The following ANLN variants were observed in gnomAD, a reference collection of about 807,000 sequenced individuals.
ANLN encodes the protein anillin, actin binding protein, also known as anillin.
ANLN carries 59 observed loss-of-function variants against 135.1 expected under a neutral mutation model. The observed-to-expected ratio is 0.44, with a 90% CI of 0.35 to 0.54. ANLN has a LOEUF of 0.54. Ranked by LOEUF, ANLN falls within the 20% of genes least tolerant of loss-of-function variation. ANLN has a pLI of 0.00. For missense variants in ANLN, 1,182 were observed against 1,340.0 expected (o/e 0.88, Z 1.84); for synonymous variants, 406 against 456.4 (o/e 0.89, Z 1.41).
chr7:36,396,452 CT>C (rs199699357), intron 2 of ANLN, 33 bp downstream of exon 2: 103 of 1,517,324 alleles, frequency 6.8e-5, no homozygotes, highest in South Asian at 2.3e-4. Flanking sequence ...ATAACATTTA[CT>C]TTTTTTTTCT....
At chr7:36,408,951 C>T (rs948407288) in intron 5 of ANLN, among the ~76,000 whole-genome samples, 1 of 152,124 alleles carries the variant, frequency 6.6e-6, no homozygotes, top group African/African-American at 2.4e-5. Context: ...ACTTTTAATT[C>T]TAAGGTTTAA....
At chr7:36,407,602 G>T in intron 4 of ANLN, 132 bp from the exon 5 acceptor site, 1 of 700,122 alleles carries the variant, frequency 1.4e-6, no homozygotes, top group South Asian at 2.0e-5. Flanking sequence ...TGATCTATTA[G>T]AGAGCAAAAT....
chr7:36,405,090 A>G (rs1447567196), intron 3 of ANLN, among the ~76,000 whole-genome samples: 1 of 152,182 alleles, frequency 6.6e-6, no homozygotes, highest in African/African-American at 2.4e-5. Flanking sequence ...TGGTAGTCTC[A>G]TTATAATGTA....
intron 21 of ANLN, among the ~76,000 whole-genome samples, chr7:36,442,724 C>T (rs1481864291): frequency 2.6e-5 from 4 of 151,942 alleles, no homozygotes; most frequent in Non-Finnish European, 5.9e-5. Flanking sequence ...CTCCATCTCC[C>T]GGGTTCACGC....
At chr7:36,430,191 C>T (rs1788255807) in intron 20 of ANLN, among the ~76,000 whole-genome samples, 1 of 152,190 alleles carries the variant, frequency 6.6e-6, no homozygotes, top group Admixed American at 6.5e-5. Flanking sequence ...AAAGAGTATA[C>T]ATGTCTTTCC....
At position 36,415,811 on chromosome 7, in the gene ANLN, T is replaced by G; in HGVS notation, c.1449T>G (p.Thr483=). The G allele has an allele frequency of 6.2e-7, 1 of 1,610,476 alleles. No individual in the cohort carries two copies. Among genetic ancestry groups the G allele is most frequent in the East Asian group, 2.2e-5 (1 of 44,692 alleles). The change falls in exon 8 of 24, where the codon ACT becomes ACG. Residue 483 remains threonine, a synonymous_variant. Coordinates refer to ENST00000265748, the MANE Select transcript of ANLN (RefSeq NM_018685.5). ...PLKKHQGVSK[T]QSLPVTEKVT... ...AAAAACACCAAGGTGTTTCAAAAACTCAGTCACTTCCAGTAACAGAAAAGG... is the reference window on the plus strand; with the variant it reads ...AAAAACACCAAGGTGTTTCAAAAACGCAGTCACTTCCAGTAACAGAAAAGG...
chr7:36,452,070 G>C (rs2116846081), intron 23 of ANLN, among the ~76,000 whole-genome samples: 1 of 152,312 alleles, frequency 6.6e-6, no homozygotes, highest in South Asian at 2.1e-4. Context: ...TGCAGCTTTT[G>C]GAGAACCTGA....
chr7:36,446,556 AAGC>A (rs1789007232), intron 22 of ANLN, among the ~76,000 whole-genome samples: 1 of 152,136 alleles, frequency 6.6e-6, no homozygotes, highest in Non-Finnish European at 1.5e-5. Context: ...CACATGGTAA[AAGC>A]AGGAGCGAGC....
chr7:36,421,194 A>G (rs903079473), intron 12 of ANLN, among the ~76,000 whole-genome samples: 2 of 151,846 alleles, frequency 1.3e-5, no homozygotes, highest in South Asian at 4.2e-4. Flanking sequence ...CAGCCTCCCA[A>G]GTAGCTGAGA....
At chr7:36,422,133 T>G in intron 13 of ANLN, 141 bp downstream of exon 13, 1 of 1,083,314 alleles carries the variant, frequency 9.2e-7, no homozygotes, top group Non-Finnish European at 1.3e-6. Context: ...TTCTTGTTTT[T>G]ATAAGGTTTA....
intron 17 of ANLN, among the ~76,000 whole-genome samples, chr7:36,425,293 CTTTTTTTTTTT>C (rs1221400271): frequency 2.4e-5 from 3 of 123,616 alleles, no homozygotes; most frequent in African/African-American, 9.0e-5. Flanking sequence ...AGAACTCATT[CTTTTTTTTTTT>C]TTTTTTTTGA....
chr7:36,415,857 G>T lies in ANLN; in HGVS notation c.1495G>T (p.Ala499Ser). The T allele has an allele frequency of 1.2e-6, 2 of 1,602,240 alleles. No homozygotes were observed. Among genetic ancestry groups the T allele is most frequent in the Admixed American group, 1.8e-5 (1 of 57,026 alleles). Residue 499 changes from alanine (A) to serine (S), a missense_variant, in exon 8 of 24, where the codon GCC becomes TCC. By Grantham distance (99) the Ala-to-Ser change is moderately conservative. Transcript: ENST00000265748. ...AAAGGTGACCGAAAACCAGATACCA[G>T]CCAAAAATTCTAGTACAGAACCTAA... Reference protein sequence around the residue: ...TEKVTENQIPAKNSSTEPKGF... With the variant: ...TEKVTENQIPSKNSSTEPKGF...
At chr7:36,400,620 C>T (rs1786905556) in intron 3 of ANLN, among the ~76,000 whole-genome samples, 1 of 150,354 alleles carries the variant, frequency 6.7e-6, no homozygotes, top group Admixed American at 6.6e-5. Context: ...GCCTTGGCCT[C>T]CCAAGTGTTA....
rs748967747 is a variant in ANLN, at chr7:36,406,239, C to T, written c.546C>T (p.Ser182=). ...TGCCATCAGAGGAAAAGGCTGCTTC[C>T]CCTCCCAGACCTCTGCTTTCAAATG... is the stretch of plus-strand genomic sequence containing the variant. ...SPMPSEEKAA[S]PPRPLLSNAS... Residue 182 remains serine, a synonymous_variant, in exon 4 of 24, where the codon TCC becomes TCT. Coordinates refer to ENST00000265748, the MANE Select transcript of ANLN (RefSeq NM_018685.5). 3.7e-6 allele frequency: 6 copies of T among 1,613,338 alleles called. No individual in the cohort carries two copies. The highest frequency in any genetic ancestry group is 5.1e-6 in the Non-Finnish European group (6 of 1,179,274).
chr7:36,406,150 GT>G (rs771815300), intron 3 of ANLN, 30 bp from the exon 4 acceptor site: 2 of 1,561,200 alleles, frequency 1.3e-6, no homozygotes, highest in Non-Finnish European at 1.7e-6. Flanking sequence ...CTTAAACATG[GT>G]TTTTAACTCT....
At chr7:36,423,482 C>A (rs1334509538) in intron 14 of ANLN, among the ~76,000 whole-genome samples, 4 of 152,006 alleles carry the variant, frequency 2.6e-5, no homozygotes, top group Non-Finnish European at 5.9e-5. Context: ...TTTGAAATAA[C>A]AAACCATAAT....
rs530432252 is a variant in ANLN at position 36,422,725 on chromosome 7, A to G, written c.2392A>G (p.Met798Val). 1 of 1,613,680 alleles carries G rather than the reference A, an allele frequency of 6.2e-7. No individual in the cohort carries two copies. Among genetic ancestry groups the G allele is most frequent in the South Asian group, 1.1e-5 (1 of 91,006 alleles). The change falls in exon 14 of 24, where the codon ATG becomes GTG. Residue 798 changes from methionine to valine, a missense_variant. By Grantham distance (21) the Met-to-Val change is conservative. Transcript: ENST00000265748. Reference protein sequence around the residue: ...KNKASPQSEFMPSKGSVTLSE... With the variant: ...KNKASPQSEFVPSKGSVTLSE... ...TAAGGCTAGTCCCCAAAGTGAATTTATGCCATCCAAAGGATCAGTTACTTT... is the reference window on the plus strand; with the variant it reads ...TAAGGCTAGTCCCCAAAGTGAATTTGTGCCATCCAAAGGATCAGTTACTTT...
chr7:36,415,057 A>G (rs372044970), intron 7 of ANLN, among the ~76,000 whole-genome samples: 6 of 152,356 alleles, frequency 3.9e-5, no homozygotes, highest in African/African-American at 1.4e-4. Context: ...GATTATTTCT[A>G]CTATGACTTC....
chr7:36,402,750 T>C (rs1787009829), intron 3 of ANLN, among the ~76,000 whole-genome samples: 1 of 152,196 alleles, frequency 6.6e-6, no homozygotes, highest in East Asian at 1.9e-4. Flanking sequence ...TTTTTGTTTT[T>C]CTGACTAGAT....
Sources: allele counts gnomAD v4.1 joint callset (sites outside exome capture counted in the v4.1 genomes callset), GRCh38; gene constraint gnomAD v4.1.1; transcripts MANE v1.5; gene names NCBI Gene and HGNC (gene_info 2026-07-23, HGNC 2026-07-21).